The following CRYBG3 variants were observed in gnomAD, a reference collection of about 807,000 sequenced individuals.
The protein encoded by CRYBG3 is very large A-kinase anchor protein.
Under a neutral mutation model 244.2 loss-of-function variants are expected in CRYBG3, and 127 were observed. That is an observed-to-expected ratio of 0.52 (90% CI 0.45 to 0.60). The LOEUF (loss-of-function observed/expected upper bound fraction) is 0.60. CRYBG3 is among the 20% of genes least tolerant of loss of function. The pLI, the probability that CRYBG3 is intolerant of heterozygous loss-of-function variation, is 0.00. For missense variants in CRYBG3, 3,325 were observed against 3,442.5 expected (o/e 0.97, Z 0.85); for synonymous variants, 1,132 against 1,195.8 (o/e 0.95, Z 1.10).
intron 11 of CRYBG3, among the ~76,000 whole-genome samples, chr3:97,895,176 G>A (rs1305407220): frequency 1.3e-5 from 2 of 152,188 alleles, no homozygotes; most frequent in Non-Finnish European, 2.9e-5. Flanking sequence ...ACTATGCAGT[G>A]TGGCTAAGGG....
At position 97,873,892 on chromosome 3, in the gene CRYBG3, G is replaced by C; in HGVS notation, c.2698G>C (p.Asp900His). 1 of 1,536,006 alleles carries C rather than the reference G, an allele frequency of 6.5e-7. No homozygotes were observed. ...TAATGAGATAGGAGAGAAATGTTCA[G>C]ATGCTGGCCTTAAAGAGAATTGCCA... ...NHNEIGEKCS[D>H]AGLKENCQAE... The change falls in exon 4 of 22, where the codon GAT becomes CAT. Residue 900 changes from aspartate (D) to histidine (H), a missense_variant. Coordinates refer to ENST00000389622, the MANE Select transcript of CRYBG3 (RefSeq NM_153605.4).
At chr3:97,851,966 T>A (rs1222022141) in intron 2 of CRYBG3, among the ~76,000 whole-genome samples, 1 of 152,178 alleles carries the variant, frequency 6.6e-6, no homozygotes, top group East Asian at 1.9e-4. Context: ...TTTCTCTGAC[T>A]TTAACAAGTG....
chr3:97,871,668 A>T (rs193169792), intron 3 of CRYBG3, among the ~76,000 whole-genome samples, 174 bp from the exon 4 acceptor site: 12 of 152,312 alleles, frequency 7.9e-5, no homozygotes, highest in Admixed American at 5.9e-4. Flanking sequence ...CTACTTGTTA[A>T]ATTTTTATTA....
chr3:97,877,125 A>G lies in CRYBG3; in HGVS notation c.5931A>G (p.Thr1977=). 2.5e-6 allele frequency: 4 copies of G among 1,613,950 alleles called. No homozygotes were observed. Among genetic ancestry groups the G allele is most frequent in the Non-Finnish European group, 3.4e-6 (4 of 1,179,854 alleles). ...CAATATATGACAAGAGGAGAGAGACAGATTATAGTGACAAAGGATATAATT... is the reference window on the plus strand; with the variant it reads ...CAATATATGACAAGAGGAGAGAGACGGATTATAGTGACAAAGGATATAATT... ...LTAIYDKRRE[T]DYSDKGYNLA... The change falls in exon 4 of 22, where the codon ACA becomes ACG. Residue 1977 remains threonine (T), a synonymous_variant. Transcript: ENST00000389622.
chr3:97,898,818 A>G, intron 12 of CRYBG3, 65 bp from the exon 13 acceptor site: 1 of 1,158,488 alleles, frequency 8.6e-7, no homozygotes. Context: ...ATATTTTGCT[A>G]GATAATAGCA....
chr3:97,910,220 C>T lies in CRYBG3; in HGVS notation c.8005-1947C>T, dbSNP rs831887. On this transcript the variant is annotated intron_variant, in intron 15 of 21. Coordinates refer to ENST00000389622, the MANE Select transcript of CRYBG3 (RefSeq NM_153605.4). ...CTTTTTGTTTGTCTGTGCCCTGCCC[C>T]CAGAGGTGGAGCCTACAGAGGCAGG... Among the ~76,000 whole-genome samples the T allele has an allele frequency of 2.5e-3, 377 of 152,072 alleles. 2 individuals are homozygous for T. In the East Asian group the frequency reaches 0.025, roughly 10 times the overall value.
rs188439072 is a variant in CRYBG3 at position 97,822,026 on chromosome 3, C to A, written c.-181C>A. Reference sequence around the variant, plus strand: ...CAGCCGCAGCGGCGTGAGGAGCTGCCGCGCGAGGAGCGCGTCGCGTCCGCA... The same window carrying A: ...CAGCCGCAGCGGCGTGAGGAGCTGCAGCGCGAGGAGCGCGTCGCGTCCGCA... On this transcript the variant is annotated 5_prime_UTR_variant, in exon 1 of 22. Coordinates refer to ENST00000389622, the MANE Select transcript of CRYBG3 (RefSeq NM_153605.4). 1.8e-3 allele frequency: 796 copies of A among 440,392 alleles called. 10 individuals carry two copies. The highest frequency in any genetic ancestry group is 0.015 in the African/African-American group (728 of 49,406). 27.3% of individuals were successfully genotyped at this position (440,392 alleles called of 1,614,324 possible).
chr3:97,889,283 C>G, intron 9 of CRYBG3, 72 bp from the exon 10 acceptor site: 1 of 1,146,392 alleles, frequency 8.7e-7, no homozygotes, highest in Non-Finnish European at 1.3e-6. Flanking sequence ...CTACATATAT[C>G]ACTTTCAGAT....
At chr3:97,931,132 T>C (rs1286238337) in intron 17 of CRYBG3, among the ~76,000 whole-genome samples, 1 of 152,082 alleles carries the variant, frequency 6.6e-6, no homozygotes, top group Non-Finnish European at 1.5e-5. Context: ...ATAGTCTGTA[T>C]ACCTTTATAG....
chr3:97,877,365 A>C lies in CRYBG3; in HGVS notation c.6171A>C (p.Lys2057Asn). 6.2e-7 allele frequency: 1 copy of C among 1,614,138 alleles called. No homozygotes were observed. The highest frequency in any genetic ancestry group is 1.3e-5 in the African/African-American group (1 of 75,034). The part of the protein sequence containing the change: ...DLVHHFEKGT[K>N]LGETFDSDSS... ...TCCATCACTTTGAAAAAGGTACTAA[A>C]TTAGGTGAGACATTTGATAGTGATA... The change falls in exon 4 of 22, where the codon AAA becomes AAC. Residue 2057 changes from lysine (K) to asparagine (N), a missense_variant. Physicochemically the swap from Lys to Asn is moderately conservative, Grantham distance 94. This residue lies in a region of CRYBG3 where 450 missense variants were observed against 424.1 expected (regional missense o/e 1.06). Transcript: ENST00000389622.
Position 97,872,271 on chromosome 3 carries a change from A to C in CRYBG3, c.1077A>C (p.Glu359Asp), listed in dbSNP as rs1413945058. The C allele has an allele frequency of 6.5e-7, 1 of 1,535,720 alleles. No individual in the cohort carries two copies. Among genetic ancestry groups the C allele is most frequent in the African/African-American group, 1.4e-5 (1 of 73,036 alleles). The change falls in exon 4 of 22, where the codon GAA becomes GAC. Residue 359 changes from glutamate (E) to aspartate (D), a missense_variant. Coordinates refer to ENST00000389622, the MANE Select transcript of CRYBG3 (RefSeq NM_153605.4). ...SSVTNSSYDGESDSQHHLSCE... is the reference protein window; with the variant it reads ...SSVTNSSYDGDSDSQHHLSCE... ...TGACTAACTCCAGCTACGATGGAGAATCTGACTCACAGCACCATTTAAGTT... is the reference window on the plus strand; with the variant it reads ...TGACTAACTCCAGCTACGATGGAGACTCTGACTCACAGCACCATTTAAGTT...
Position 97,879,684 on chromosome 3 carries a change from T to C in CRYBG3, c.6844-20T>C. 1 of 1,579,450 alleles carries C rather than the reference T, an allele frequency of 6.3e-7. No individual in the cohort carries two copies. Among genetic ancestry groups the C allele is most frequent in the Non-Finnish European group, 8.6e-7 (1 of 1,157,728 alleles). On this transcript the variant is annotated intron_variant, in intron 4 of 21. Coordinates refer to ENST00000389622, the MANE Select transcript of CRYBG3 (RefSeq NM_153605.4). ...CACCGATGTTTCTTAAAGCTTACTT[T>C]TCCACTTTTATTATTTCAGAATGTT...
Position 97,873,015 on chromosome 3 carries a change from T to C in CRYBG3, c.1821T>C (p.Asn607=), listed in dbSNP as rs780457369. Residue 607 remains asparagine, a synonymous_variant, in exon 4 of 22, where the codon AAT becomes AAC. Coordinates refer to ENST00000389622, the MANE Select transcript of CRYBG3 (RefSeq NM_153605.4). ...TTGTAGCAAGCTTAGGAAATGAAAA[T>C]GCACCTGAGTTGAAATTTGAACTTA... ...SAVVASLGNE[N]APELKFELNR... is the part of the protein sequence containing the mutation. The C allele has an allele frequency of 5.2e-6, 8 of 1,535,792 alleles. No homozygotes were observed. In the South Asian group the frequency reaches 8.3e-5, roughly 16 times the overall value.
Position 97,881,164 on chromosome 3 carries a change from A to G in CRYBG3, c.7097A>G (p.Asn2366Ser), listed in dbSNP as rs1235635740. Residue 2366 changes from asparagine to serine, a missense_variant, in exon 7 of 22, where the codon AAC becomes AGC. This residue lies in a region of CRYBG3 where 714 missense variants were observed against 803.6 expected (regional missense o/e 0.89). Coordinates refer to ENST00000389622, the MANE Select transcript of CRYBG3 (RefSeq NM_153605.4). The part of the protein sequence containing the change: ...KVLNRDWILQ[N>S]RRHPQRNFIL... The stretch of plus-strand genomic sequence containing the variant: ...TTAAATCGTGACTGGATTCTTCAGA[A>G]CAGAAGGCATCCACAAAGAAACTTT... 1 of 1,611,934 alleles carries G rather than the reference A, an allele frequency of 6.2e-7. No homozygotes were observed.
chr3:97,829,604 A>G (rs2038627018), intron 1 of CRYBG3, among the ~76,000 whole-genome samples: 1 of 152,240 alleles, frequency 6.6e-6, no homozygotes, highest in African/African-American at 2.4e-5. Flanking sequence ...TGGAAAAGTC[A>G]CATATGAAAA....
rs756232548 is a variant in CRYBG3, at chr3:97,874,669, G to A, written c.3475G>A (p.Gly1159Arg). ...LVEAETGAVAGPAASVNSSGQ... is the reference protein window; with the variant it reads ...LVEAETGAVARPAASVNSSGQ... The stretch of plus-strand genomic sequence containing the variant: ...GGAAGCAGAGACTGGAGCAGTTGCT[G>A]GGCCTGCAGCGTCAGTTAACAGCTC... The change falls in exon 4 of 22, where the codon GGG (glycine) becomes AGG (arginine). Residue 1159 changes from glycine (G) to arginine (R), a missense_variant. By Grantham distance (125) the Gly-to-Arg change is moderately radical (BLOSUM62 -2). This residue lies in a region of CRYBG3 where 1,526 missense variants were observed against 1,443.2 expected (regional missense o/e 1.06). Coordinates refer to ENST00000389622, the MANE Select transcript of CRYBG3 (RefSeq NM_153605.4). The A allele has an allele frequency of 4.3e-5, 66 of 1,535,826 alleles. No homozygotes were observed. The highest frequency in any genetic ancestry group is 5.1e-5 in the Non-Finnish European group (59 of 1,146,814).
In CRYBG3 at chr3:97,868,301, T is replaced by A. The variant is rs548200287; in HGVS notation, c.648-3541T>A. Reference sequence around the variant, plus strand: ...TCCATCTCAAAAAAAAAAAAAAAAATATTATTGAATTGTGTGGACTCAACT... The same window carrying A: ...TCCATCTCAAAAAAAAAAAAAAAAAAATTATTGAATTGTGTGGACTCAACT... On this transcript the variant is annotated intron_variant, in intron 3 of 21. Transcript: ENST00000389622. Among the ~76,000 whole-genome samples the A allele has an allele frequency of 3.9e-3, 529 of 136,094 alleles. 1 individual carries two copies. Among genetic ancestry groups the A allele is most frequent in the South Asian group, 7.1e-3 (30 of 4,234 alleles). 89.3% of individuals were successfully genotyped at this position (136,094 alleles called of 152,430 possible).
chr3:97,822,066 G>C lies in CRYBG3; in HGVS notation c.-141G>C. On this transcript the variant is annotated 5_prime_UTR_variant, in exon 1 of 22. Coordinates refer to ENST00000389622, the MANE Select transcript of CRYBG3 (RefSeq NM_153605.4). ...TCGCGTCCGCACTTCTCCTGCCCGAGAGAGACTGAGCCGCGCTGGCAGCTC... is the reference window on the plus strand; with the variant it reads ...TCGCGTCCGCACTTCTCCTGCCCGACAGAGACTGAGCCGCGCTGGCAGCTC... The C allele has an allele frequency of 1.6e-6, 1 of 632,972 alleles. No homozygotes were observed. The highest frequency in any genetic ancestry group is 2.3e-6 in the Non-Finnish European group (1 of 428,292). 39.2% of individuals were successfully genotyped at this position (632,972 alleles called of 1,614,324 possible). A position where few individuals can be genotyped will look rare whatever the true frequency, so the allele number is the denominator to read the frequency against.
At chr3:97,868,146 C>T (rs908827590) in intron 3 of CRYBG3, among the ~76,000 whole-genome samples, 4 of 151,738 alleles carry the variant, frequency 2.6e-5, no homozygotes, top group Admixed American at 6.6e-5. Context: ...TAGCCAGGCA[C>T]GGTGGTGGGT....
Sources: gnomAD v4.1 joint callset for allele counts (sites outside exome capture counted in the v4.1 genomes callset) on GRCh38, gnomAD v4.1.1 for gene constraint, gnomAD v4.1.1 regional missense constraint, MANE v1.5 for transcripts, NCBI Gene and HGNC (gene_info 2026-07-23, HGNC 2026-07-21) for gene names.